DOCK7: variants seen among roughly 807,000 people sequenced by gnomAD.
The protein encoded by DOCK7 is dedicator of cytokinesis 7.
DOCK7 carries 138 observed loss-of-function variants against 271.0 expected under a neutral mutation model. That is an observed-to-expected ratio of 0.51 (90% CI 0.44 to 0.59). DOCK7 has a LOEUF of 0.59. Among genes scored for constraint, DOCK7 ranks in the 20% least tolerant of loss-of-function variants. The pLI, the probability that DOCK7 is intolerant of heterozygous loss-of-function variation, is 0.00. For synonymous variants in DOCK7, 823 were observed against 876.1 expected, an observed-to-expected ratio of 0.94 and a Z score of 1.07; for missense variants, 2,066 against 2,592.4, an observed-to-expected ratio of 0.80 and a Z score of 4.41.
intron 19 of DOCK7, among the ~76,000 whole-genome samples, chr1:62,559,698 T>C (rs1646260958): frequency 1.3e-5 from 2 of 152,184 alleles, no homozygotes; most frequent in African/African-American, 4.8e-5. Context: ...GTGCTGTATC[T>C]TCTTCTTTTC....
intron 14 of DOCK7, among the ~76,000 whole-genome samples, chr1:62,596,313 A>T (rs186011618): frequency 2.0e-5 from 3 of 152,140 alleles, no homozygotes; most frequent in Non-Finnish European, 4.4e-5. Flanking sequence ...TTGGACCCAC[A>T]CCACAGTCTG....
chr1:62,688,250 GCGGCGCTCGGCCATGGCTGCTGCGGCGA>G lies in DOCK7; in HGVS notation c.-14_14del. The G allele has an allele frequency of 7.3e-7, 1 of 1,364,406 alleles. No homozygotes were observed. 84.5% of individuals were successfully genotyped at this position (1,364,406 alleles called of 1,614,324 possible). ...ACCTGCTGATCTTCTGGGCGAAGGC[GCGGCGCTCGGCCATGGCTGCTGCGGCGA>G]CGGCGACGGCGGCGGCGGCTGCGGC... On this transcript the variant is annotated start_lost and 5_prime_UTR_variant, in exon 1 of 50. Coordinates refer to ENST00000635253, the MANE Select transcript of DOCK7 (RefSeq NM_001367561.1).
chr1:62,682,636 C>T (rs1661302749), intron 1 of DOCK7, among the ~76,000 whole-genome samples: 1 of 152,146 alleles, frequency 6.6e-6, no homozygotes, highest in Admixed American at 6.5e-5. Flanking sequence ...TTCAAGTACA[C>T]ATAAGGTAAG....
At chr1:62,486,164 A>T (rs1646285657) in intron 43 of DOCK7, 1 of 152,178 alleles carries the variant, frequency 6.6e-6, no homozygotes, top group African/African-American at 2.4e-5. Context: ...ACTGAGCCAT[A>T]GGAATGAGGA....
At chr1:62,595,093 C>T (rs1305582278) in intron 14 of DOCK7, among the ~76,000 whole-genome samples, 1 of 151,990 alleles carries the variant, frequency 6.6e-6, no homozygotes, top group South Asian at 2.1e-4. Context: ...TTTTGTGGTT[C>T]TATATTGGAC....
chr1:62,558,971 C>T lies in DOCK7; in HGVS notation c.2431+18G>A, dbSNP rs1399742407. On this transcript the variant is annotated intron_variant, in intron 20 of 49. Coordinates refer to ENST00000635253, the MANE Select transcript of DOCK7 (RefSeq NM_001367561.1). ...AGTTATAAATTTCACGTCTCATCCC[C>T]AAACAAAAGTAAATTACCTATTTGG... 2 of 1,586,756 alleles carry T rather than the reference C, an allele frequency of 1.3e-6. No homozygotes were observed.
At chr1:62,475,404 G>A in intron 46 of DOCK7, 53 bp from the exon 47 acceptor site, 1 of 1,546,064 alleles carries the variant, frequency 6.5e-7, no homozygotes, top group Non-Finnish European at 8.7e-7. Flanking sequence ...ACTATTTAAT[G>A]AACTTTATGT....
At chr1:62,506,345 C>T (rs1646935659) in intron 35 of DOCK7, among the ~76,000 whole-genome samples, 1 of 152,172 alleles carries the variant, frequency 6.6e-6, no homozygotes, top group African/African-American at 2.4e-5. Flanking sequence ...CCTGCTGTTT[C>T]TTTTCACTGA....
chr1:62,591,279 A>C (rs1458083574), intron 14 of DOCK7, among the ~76,000 whole-genome samples: 1 of 152,186 alleles, frequency 6.6e-6, no homozygotes, highest in Non-Finnish European at 1.5e-5. Context: ...GTTCTCACTT[A>C]GAAGTTGTAG....
chr1:62,588,887 C>T (rs188699518), intron 14 of DOCK7, among the ~76,000 whole-genome samples: 33 of 152,192 alleles, frequency 2.2e-4, no homozygotes, highest in Admixed American at 2.0e-3. Context: ...ACTACAGGCA[C>T]GTGCCATCAC....
intron 43 of DOCK7, among the ~76,000 whole-genome samples, chr1:62,480,737 G>A (rs947071539): frequency 7.2e-5 from 11 of 152,328 alleles, no homozygotes; most frequent in Middle Eastern, 3.4e-3. Context: ...GGCCAGGCGC[G>A]GTGGCTCATG....
chr1:62,486,624 A>C (rs1207148611), intron 43 of DOCK7: 3 of 152,102 alleles, frequency 2.0e-5, no homozygotes, highest in Admixed American at 6.5e-5. Context: ...AGTCTTAACT[A>C]CTACATAAAA....
chr1:62,527,644 C>T (rs549559468), intron 31 of DOCK7, among the ~76,000 whole-genome samples: 34 of 149,280 alleles, frequency 2.3e-4, no homozygotes, highest in African/African-American at 7.9e-4. Flanking sequence ...AACCAAACAC[C>T]GCATGTTCTC....
intron 37 of DOCK7, among the ~76,000 whole-genome samples, chr1:62,504,296 T>A (rs993428363): frequency 6.6e-6 from 1 of 152,190 alleles, no homozygotes; most frequent in Non-Finnish European, 1.5e-5. Flanking sequence ...CTTCAAAGGC[T>A]GTGACATGTA....
In DOCK7 at chr1:62,528,135, G is replaced by A. The variant is rs1645069316; in HGVS notation, c.3936+16C>T. The A allele has an allele frequency of 3.1e-6, 5 of 1,594,434 alleles. No homozygotes were observed. Among genetic ancestry groups the A allele is most frequent in the African/African-American group, 1.3e-5 (1 of 74,102 alleles). Reference sequence around the variant, plus strand: ...TCTTTCTAGAAAAAAAAATTCTGTAGGAGGATTGTTTTTACCGTTGACGTG... The same window carrying A: ...TCTTTCTAGAAAAAAAAATTCTGTAAGAGGATTGTTTTTACCGTTGACGTG... On this transcript the variant is annotated intron_variant, in intron 31 of 49. Transcript: ENST00000635253.
chr1:62,562,458 G>A (rs1226379478), intron 18 of DOCK7, among the ~76,000 whole-genome samples: 2 of 151,898 alleles, frequency 1.3e-5, no homozygotes, highest in Non-Finnish European at 2.9e-5. Flanking sequence ...CAGGTGATCT[G>A]CTTGCCTTGG....
chr1:62,531,168 G>A (rs1426850027), intron 29 of DOCK7, among the ~76,000 whole-genome samples: 1 of 152,032 alleles, frequency 6.6e-6, no homozygotes, highest in Non-Finnish European at 1.5e-5. Flanking sequence ...TTAGATTCTC[G>A]CCAATTGCTT....
At chr1:62,575,657 C>T (rs1646922459) in intron 18 of DOCK7, among the ~76,000 whole-genome samples, 1 of 151,944 alleles carries the variant, frequency 6.6e-6, no homozygotes, top group Non-Finnish European at 1.5e-5. Flanking sequence ...GATGTCACCC[C>T]TTACTGCCAT....
intron 14 of DOCK7, among the ~76,000 whole-genome samples, chr1:62,595,636 T>C (rs988440254): frequency 5.9e-5 from 9 of 152,098 alleles, no homozygotes; most frequent in Non-Finnish European, 1.0e-4. Context: ...TTTCTAAGAA[T>C]AGAAATTTAG....
Sources: allele counts gnomAD v4.1 joint callset (sites outside exome capture counted in the v4.1 genomes callset), GRCh38; gene constraint gnomAD v4.1.1; transcripts MANE v1.5; gene names NCBI Gene and HGNC (gene_info 2026-07-23, HGNC 2026-07-21).